Variants in EIF4EBP1 observed in about 807,000 individuals in gnomAD.
EIF4EBP1 encodes eukaryotic translation initiation factor 4E-binding protein 1.
In EIF4EBP1, 5 loss-of-function variants were observed where a neutral mutation model predicts 9.2. The ratio of observed to expected loss-of-function variants is 0.54; its 90% CI spans 0.28 to 1.14. EIF4EBP1 has a LOEUF of 1.14. EIF4EBP1 is among the 50% of genes most tolerant of loss of function. EIF4EBP1 has a pLI of 0.09. For missense variants in EIF4EBP1, 139 were observed against 169.6 expected, an observed-to-expected ratio of 0.82 and a Z score of 1.00; for synonymous variants, 62 against 67.0, an observed-to-expected ratio of 0.93 and a Z score of 0.36.
At chr8:38,043,090 G>A (rs1809405002) in intron 1 of EIF4EBP1, among the ~76,000 whole-genome samples, 2 of 152,098 alleles carry the variant, frequency 1.3e-5, no homozygotes, top group South Asian at 4.2e-4. Context: ...AAAGTTTTTG[G>A]GAGAGATGCT....
intron 1 of EIF4EBP1, among the ~76,000 whole-genome samples, chr8:38,051,534 T>C (rs1383930338): frequency 6.6e-6 from 1 of 152,060 alleles, no homozygotes; most frequent in African/African-American, 2.4e-5. Context: ...TACAGAGGGG[T>C]CCAAGACAGG....
rs78594515 is a variant in EIF4EBP1 at position 38,049,125 on chromosome 8, C to T, written c.146-7956C>T. ...GGGCAACAAGAGCGAAACTCCGTCTCAAAAAAAAAAAAAAGAAAAGAAAAG... is the reference window on the plus strand; with the variant it reads ...GGGCAACAAGAGCGAAACTCCGTCTTAAAAAAAAAAAAAAGAAAAGAAAAG... On this transcript the variant is annotated intron_variant, in intron 1 of 2. Coordinates refer to ENST00000338825, the MANE Select transcript of EIF4EBP1 (RefSeq NM_004095.4). 3.8e-5 allele frequency among the ~76,000 whole-genome samples: 3 copies of T among 79,422 alleles called. No individual in the cohort carries two copies. In the East Asian group the frequency reaches 1.0e-3, roughly 27 times the overall value. 52.1% of individuals were successfully genotyped at this position (79,422 alleles called of 152,430 possible).
At chr8:38,037,593 G>A (rs1195599224) in intron 1 of EIF4EBP1, among the ~76,000 whole-genome samples, 4 of 152,068 alleles carry the variant, frequency 2.6e-5, no homozygotes, top group Non-Finnish European at 5.9e-5. Flanking sequence ...GATTACAGGC[G>A]TGAGCTACCA....
chr8:38,059,252 G>C (rs1809636709), intron 2 of EIF4EBP1, among the ~76,000 whole-genome samples: 1 of 152,204 alleles, frequency 6.6e-6, no homozygotes, highest in African/African-American at 2.4e-5. Flanking sequence ...CTGTCCTCAT[G>C]ATAGTGAATG....
intron 1 of EIF4EBP1, among the ~76,000 whole-genome samples, chr8:38,037,398 C>T (rs996530157): frequency 2.6e-5 from 4 of 152,082 alleles, no homozygotes; most frequent in Non-Finnish European, 5.9e-5. Flanking sequence ...CTCACTGCAA[C>T]CTCCACCTCC....
At chr8:38,054,388 T>C (rs1809566382) in intron 1 of EIF4EBP1, among the ~76,000 whole-genome samples, 1 of 152,010 alleles carries the variant, frequency 6.6e-6, no homozygotes, top group Non-Finnish European at 1.5e-5. Flanking sequence ...GAGGCAGAGA[T>C]TGCAGTGAGC....
At chr8:38,057,907 C>G (rs1809619873) in intron 2 of EIF4EBP1, among the ~76,000 whole-genome samples, 1 of 152,160 alleles carries the variant, frequency 6.6e-6, no homozygotes, top group Non-Finnish European at 1.5e-5. Flanking sequence ...ACTGGCTTGG[C>G]AGAGTGTTGG....
chr8:38,050,446 C>T (rs1809504101), intron 1 of EIF4EBP1, among the ~76,000 whole-genome samples: 1 of 151,866 alleles, frequency 6.6e-6, no homozygotes, highest in Non-Finnish European at 1.5e-5. Context: ...ACCTCCTGGG[C>T]TCTGGTGATC....
chr8:38,060,268 G>T lies in EIF4EBP1; in HGVS notation c.*333G>T. On this transcript the variant is annotated 3_prime_UTR_variant, in exon 3 of 3. Coordinates refer to ENST00000338825, the MANE Select transcript of EIF4EBP1 (RefSeq NM_004095.4). ...GTTCCAGCCCCTCGCTGCTGGGGGC[G>T]CAACCACCCCTTCCTTAGGTTGATG... 1 of 177,186 alleles carries T rather than the reference G, an allele frequency of 5.6e-6. No homozygotes were observed. Among genetic ancestry groups the T allele is most frequent in the Non-Finnish European group, 1.0e-5 (1 of 99,340 alleles). The allele number at this position is 177,186 out of a possible 1,614,324, so 11.0% of individuals were successfully genotyped here. A position where few individuals can be genotyped will look rare whatever the true frequency, so the allele number is the denominator to read the frequency against.
intron 1 of EIF4EBP1, among the ~76,000 whole-genome samples, chr8:38,052,753 A>T (rs534362837): frequency 6.6e-6 from 1 of 151,564 alleles, no homozygotes; most frequent in African/African-American, 2.4e-5. Context: ...AGGTCTTGCA[A>T]TGTTGCCCAG....
At chr8:38,050,669 A>G (rs757941603) in intron 1 of EIF4EBP1, among the ~76,000 whole-genome samples, 4 of 151,348 alleles carry the variant, frequency 2.6e-5, no homozygotes, top group East Asian at 1.9e-4. Context: ...CTACGGTGCA[A>G]TGTCATGATT....
intron 1 of EIF4EBP1, among the ~76,000 whole-genome samples, chr8:38,033,212 G>T (rs954289074): frequency 2.6e-5 from 4 of 151,630 alleles, no homozygotes; most frequent in South Asian, 2.1e-4. Flanking sequence ...CAACAGGCAT[G>T]CACCACCCAT....
intron 1 of EIF4EBP1, among the ~76,000 whole-genome samples, chr8:38,042,646 C>T (rs1012214148): frequency 6.6e-6 from 1 of 152,164 alleles, no homozygotes; most frequent in South Asian, 2.1e-4. Context: ...CTCATAAGGA[C>T]CCCAGTCAGA....
At chr8:38,058,218 G>A (rs1278574744) in intron 2 of EIF4EBP1, among the ~76,000 whole-genome samples, 1 of 152,158 alleles carries the variant, frequency 6.6e-6, no homozygotes, top group African/African-American at 2.4e-5. Context: ...GAAGAAAAAT[G>A]GTTTATTTCT....
At chr8:38,038,881 G>A (rs920727929) in intron 1 of EIF4EBP1, among the ~76,000 whole-genome samples, 2 of 150,804 alleles carry the variant, frequency 1.3e-5, no homozygotes, top group Admixed American at 6.6e-5. Flanking sequence ...ATACAAGTCC[G>A]TAAACTTCCT....
intron 1 of EIF4EBP1, among the ~76,000 whole-genome samples, chr8:38,051,711 G>C (rs144893386): frequency 4.1e-4 from 62 of 152,190 alleles, no homozygotes; most frequent in African/African-American, 1.4e-3. Flanking sequence ...TGATTCTCCT[G>C]CCTCAGCCTC....
intron 1 of EIF4EBP1, among the ~76,000 whole-genome samples, chr8:38,033,109 G>A (rs1290671050): frequency 7.2e-6 from 1 of 139,694 alleles, no homozygotes; most frequent in Admixed American, 7.7e-5. Flanking sequence ...CTATCACCCA[G>A]GCTGGAGTGC....
chr8:38,035,966 C>T (rs948529242), intron 1 of EIF4EBP1, among the ~76,000 whole-genome samples: 1 of 151,644 alleles, frequency 6.6e-6, no homozygotes, highest in South Asian at 2.1e-4. Flanking sequence ...CTCAGCCTCC[C>T]AAAGTGCTGA....
Position 38,060,037 on chromosome 8 carries a change from C to A in EIF4EBP1, c.*102C>A. On this transcript the variant is annotated 3_prime_UTR_variant, in exon 3 of 3. Coordinates refer to ENST00000338825, the MANE Select transcript of EIF4EBP1 (RefSeq NM_004095.4). ...TATGAAAGTGATCATACTGGGCAGGCGTTGGCGTGGGGTCGGACACCCCAG... is the reference window on the plus strand; with the variant it reads ...TATGAAAGTGATCATACTGGGCAGGAGTTGGCGTGGGGTCGGACACCCCAG... 1 of 1,257,660 alleles carries A rather than the reference C, an allele frequency of 8.0e-7. No individual in the cohort carries two copies. The allele number at this position is 1,257,660 out of a possible 1,614,324, so 77.9% of individuals were successfully genotyped here. A position where few individuals can be genotyped will look rare whatever the true frequency, so the allele number is the denominator to read the frequency against.
Sources: gnomAD v4.1 joint callset for allele counts (sites outside exome capture counted in the v4.1 genomes callset) on GRCh38, gnomAD v4.1.1 for gene constraint, MANE v1.5 for transcripts, NCBI Gene and HGNC (gene_info 2026-07-23, HGNC 2026-07-21) for gene names.